Variants in RC3H1 observed in about 807,000 individuals in gnomAD.
RC3H1 encodes ring finger and CCCH-type domains 1.
A neutral mutation model predicts 138.2 loss-of-function variants in RC3H1; 50 were observed. That is an observed-to-expected ratio of 0.36 (90% confidence interval 0.29 to 0.46). The LOEUF is 0.46. Ranked by LOEUF, RC3H1 falls within the 20% of genes least tolerant of loss-of-function variation. The pLI, the probability that RC3H1 is intolerant of heterozygous loss-of-function variation, is 1.00. For synonymous variants in RC3H1, 462 were observed against 489.1 expected, an observed-to-expected ratio of 0.94 and a Z score of 0.73; for missense variants, 1,031 against 1,388.1, an observed-to-expected ratio of 0.74 and a Z score of 4.09.
chr1:173,978,407 A>G (rs1328235088), intron 7 of RC3H1, 81 bp downstream of exon 7: 1 of 1,478,272 alleles, frequency 6.8e-7, no homozygotes, highest in Non-Finnish European at 9.2e-7. Context: ...ACCCTAGAGG[A>G]ACAACAAAAG....
intron 1 of RC3H1, among the ~76,000 whole-genome samples, chr1:173,993,412 CTTTT>C (rs35670849): frequency 7.0e-6 from 1 of 143,486 alleles, no homozygotes; most frequent in Admixed American, 6.9e-5. Flanking sequence ...TTATCTAAGT[CTTTT>C]TTTTTTTTTT....
chr1:173,990,668 G>A (rs1431296561), intron 2 of RC3H1, among the ~76,000 whole-genome samples: 1 of 150,884 alleles, frequency 6.6e-6, no homozygotes. Flanking sequence ...CGCCTCCCGG[G>A]TTCACACCAT....
rs577353548 is a variant in RC3H1, at chr1:173,990,787, A to G, written c.231+1968T>C. On this transcript the variant is annotated intron_variant, in intron 2 of 19. Transcript: ENST00000367696. ...CCAGCTAACTTTTTGTATTTTTAGT[A>G]GAGACAGGGTTTCACTGTGTTAGCC... 6.6e-4 allele frequency among the ~76,000 whole-genome samples: 101 copies of G among 152,102 alleles called. 2 individuals carry two copies. The highest frequency in any genetic ancestry group is 6.5e-3 in the Admixed American group (99 of 15,296).
At chr1:173,980,671 G>T (rs1036792564) in intron 6 of RC3H1, 138 bp downstream of exon 6, 19 of 470,100 alleles carry the variant, frequency 4.0e-5, no homozygotes, top group African/African-American at 3.1e-4. Flanking sequence ...GTATTATAAC[G>T]TGATTGGTTA....
Position 173,952,652 on chromosome 1 carries a change from T to C in RC3H1, c.2371-514A>G, listed in dbSNP as rs147466565. Among the ~76,000 whole-genome samples, 790 of 152,260 alleles carry C rather than the reference T, an allele frequency of 5.2e-3. 8 individuals carry two copies. The highest frequency in any genetic ancestry group is 4.3e-3 in the Non-Finnish European group (292 of 67,998). On this transcript the variant is annotated intron_variant, in intron 13 of 19. Coordinates refer to ENST00000367696, the MANE Select transcript of RC3H1 (RefSeq NM_172071.4). ...TTTACTGAAATCTCTTTAATAGCAA[T>C]AATTCATATCTTGAATAAATTCTGT...
At chr1:173,993,923 G>A (rs552051097) in intron 1 of RC3H1, among the ~76,000 whole-genome samples, 12 of 150,146 alleles carry the variant, frequency 8.0e-5, no homozygotes, top group African/African-American at 2.4e-4. Context: ...AGGAGGCTGA[G>A]GCGGGAGAAT....
chr1:173,961,787 G>A lies in RC3H1; in HGVS notation c.2140C>T (p.Gln714Ter). 1 of 1,613,372 alleles carries A rather than the reference G, an allele frequency of 6.2e-7. No homozygotes were observed. The highest frequency in any genetic ancestry group is 8.5e-7 in the Non-Finnish European group (1 of 1,179,982). The change falls in exon 12 of 20, where the codon CAG becomes TAG. Residue 714 changes from glutamine to a stop codon, truncating the protein, a stop_gained. Transcript: ENST00000367696. LOFTEE classifies it high-confidence loss of function. ...GCCACTGGATAGTAACTCTCGATCT[G>A]TTGGTATCTTTCTCTGGATTCTGGT... The part of the protein sequence containing the change: ...YVPESRERYQ[Q>*]IESYYPVAPH...
At position 173,947,527 on chromosome 1, in the gene RC3H1, G is replaced by A. The variant is rs2102869281; in HGVS notation, c.2579C>T (p.Ala860Val). 6.2e-7 allele frequency: 1 copy of A among 1,613,998 alleles called. No homozygotes were observed. Among genetic ancestry groups the A allele is most frequent in the Non-Finnish European group, 8.5e-7 (1 of 1,179,984 alleles). ...GATGAGGTCATCATCACTGGTTTCT[G>A]CTGCTCTTCTCTGAAGATCTAATCG... is the stretch of plus-strand genomic sequence containing the variant. ...DQRLDLQRRA[A>V]ETSDDDLIPF... The change falls in exon 15 of 20, where the codon GCA (alanine) becomes GTA (valine). Residue 860 changes from alanine to valine, a missense_variant. Transcript: ENST00000367696.
intron 18 of RC3H1, among the ~76,000 whole-genome samples, chr1:173,942,657 C>G (rs1356026154): frequency 1.3e-5 from 2 of 151,562 alleles, no homozygotes; most frequent in Non-Finnish European, 2.9e-5. Context: ...ACGGTGAAAC[C>G]CCGTCTCTAC....
intron 1 of RC3H1, among the ~76,000 whole-genome samples, chr1:174,007,430 A>T (rs1661675310): frequency 6.6e-6 from 1 of 151,772 alleles, no homozygotes; most frequent in African/African-American, 2.4e-5. Context: ...ATCAGTATGT[A>T]TTCTTTTGTA....
intron 17 of RC3H1, among the ~76,000 whole-genome samples, chr1:173,945,125 C>CTT (rs71718815): frequency 7.2e-5 from 10 of 138,074 alleles, no homozygotes; most frequent in Non-Finnish European, 7.8e-5. Flanking sequence ...TTAAAAATTC[C>CTT]TTTTTTTTTT....
At chr1:173,948,054 T>C (rs1199299385) in intron 14 of RC3H1, among the ~76,000 whole-genome samples, 7 of 152,078 alleles carry the variant, frequency 4.6e-5, no homozygotes, top group Admixed American at 3.9e-4. Context: ...AAGAAATATA[T>C]TTTTAAAATT....
intron 2 of RC3H1, among the ~76,000 whole-genome samples, chr1:173,988,736 C>T (rs138814596): frequency 4.9e-4 from 74 of 152,260 alleles, no homozygotes; most frequent in African/African-American, 1.7e-3. Flanking sequence ...TGGATTTTGG[C>T]CATTTTAATT....
intron 6 of RC3H1, among the ~76,000 whole-genome samples, chr1:173,980,041 C>T (rs1355650021): frequency 1.3e-5 from 2 of 150,226 alleles, no homozygotes; most frequent in African/African-American, 4.9e-5. Flanking sequence ...CCACACCTGG[C>T]TATTTTTTTT....
Position 173,961,236 on chromosome 1 carries a change from A to C in RC3H1, c.2211T>G (p.Pro737=), listed in dbSNP as rs934061160. 1.2e-6 allele frequency: 2 copies of C among 1,604,882 alleles called. No individual in the cohort carries two copies. Among genetic ancestry groups the C allele is most frequent in the African/African-American group, 2.7e-5 (2 of 74,250 alleles). ...QIRPSYLREP[P]YSRLPPPPQP... is the part of the protein sequence containing the mutation. ...GGGGAGGAGGAGGAAGCCGGCTATA[A>C]GGAGGTTCCTAAAAATAGAAAGATT... is the stretch of plus-strand genomic sequence containing the variant. Residue 737 remains proline (P), a synonymous_variant, in exon 13 of 20, where the codon CCT becomes CCG. Coordinates refer to ENST00000367696, the MANE Select transcript of RC3H1 (RefSeq NM_172071.4).
chr1:173,978,133 C>CAA (rs1402525394), intron 7 of RC3H1, among the ~76,000 whole-genome samples: 2 of 151,886 alleles, frequency 1.3e-5, no homozygotes, highest in Admixed American at 1.3e-4. Context: ...CAAGGAAATG[C>CAA]AACTAAGGAT....
intron 2 of RC3H1, among the ~76,000 whole-genome samples, chr1:173,987,917 C>A (rs993752643): frequency 6.6e-6 from 1 of 152,204 alleles, no homozygotes; most frequent in African/African-American, 2.4e-5. Flanking sequence ...CCAATCATTT[C>A]CCATTCACTT....
intron 17 of RC3H1, among the ~76,000 whole-genome samples, chr1:173,944,105 G>A (rs1394260350): frequency 1.3e-5 from 2 of 150,250 alleles, no homozygotes; most frequent in Non-Finnish European, 1.5e-5. Context: ...AGATTACAGC[G>A]AGCTGCTATG....
At chr1:173,951,648 T>C (rs1459236603) in intron 14 of RC3H1, among the ~76,000 whole-genome samples, 1 of 152,174 alleles carries the variant, frequency 6.6e-6, no homozygotes, top group Admixed American at 6.5e-5. Flanking sequence ...TTCATGCCAT[T>C]CTCCGTGACA....
Sources: allele counts gnomAD v4.1 joint callset (sites outside exome capture counted in the v4.1 genomes callset), GRCh38; gene constraint gnomAD v4.1.1; transcripts MANE v1.5; gene names NCBI Gene and HGNC (gene_info 2026-07-23, HGNC 2026-07-21).